SLC4A2: variants seen among roughly 807,000 people sequenced by gnomAD.
The protein encoded by SLC4A2 is solute carrier family 4 member 2.
Under a neutral mutation model 115.0 loss-of-function variants are expected in SLC4A2, and 36 were observed. The ratio of observed to expected loss-of-function variants is 0.31; its 90% CI spans 0.24 to 0.41. The LOEUF is 0.41. Among genes scored for constraint, SLC4A2 ranks in the 10% least tolerant of loss-of-function variants. The probability of loss-of-function intolerance (pLI) is 1.00; values close to 1 mark genes in which losing one functional copy is unlikely to be tolerated. For synonymous variants in SLC4A2, 708 were observed against 708.3 expected (o/e 1.00, Z 0.01); for missense variants, 1,252 against 1,705.6 (o/e 0.73, Z 4.68).
rs761953287 is a variant in SLC4A2 at position 151,069,985 on chromosome 7, G to A, written c.1186G>A (p.Gly396Arg). The change falls in exon 9 of 23, where the codon GGA (glycine) becomes AGA (arginine). Residue 396 changes from glycine (G) to arginine (R), a missense_variant. By Grantham distance (125) the Gly-to-Arg change is moderately radical. Coordinates refer to ENST00000413384, the MANE Select transcript of SLC4A2 (RefSeq NM_003040.4). ...LLDLDQQTLP[G>R]VAHQVVEQMV... is the part of the protein sequence containing the mutation. The stretch of plus-strand genomic sequence containing the variant: ...GGATCTGGACCAGCAGACCCTGCCC[G>A]GAGTGGCCCACCAGGTGGTGGAGCA... 8 of 1,613,952 alleles carry A rather than the reference G, an allele frequency of 5.0e-6. No homozygotes were observed. Among genetic ancestry groups the A allele is most frequent in the African/African-American group, 1.3e-5 (1 of 74,938 alleles).
chr7:151,072,835 A>T (rs1244792021), intron 16 of SLC4A2, among the ~76,000 whole-genome samples: 2 of 150,458 alleles, frequency 1.3e-5, no homozygotes, highest in African/African-American at 4.9e-5. Flanking sequence ...AATTTTTTGT[A>T]TTTTTTTAGT....
chr7:151,066,796 TG>T, intron 6 of SLC4A2, 35 bp downstream of exon 6: 2 of 1,589,784 alleles, frequency 1.3e-6, no homozygotes, highest in Non-Finnish European at 8.6e-7. Flanking sequence ...CCGGCACTGG[TG>T]GGCAAAGGAG....
rs1797561967 is a variant in SLC4A2 at position 151,074,857 on chromosome 7, C to T, written c.3047+16C>T. On this transcript the variant is annotated intron_variant, in intron 19 of 22. Coordinates refer to ENST00000413384, the MANE Select transcript of SLC4A2 (RefSeq NM_003040.4). ...AGATCACCACGTGAGTGGTCCTAGCCAAAGGGGTGTGAGAGGCCAGAGCCC... is the reference window on the plus strand; with the variant it reads ...AGATCACCACGTGAGTGGTCCTAGCTAAAGGGGTGTGAGAGGCCAGAGCCC... The T allele has an allele frequency of 1.9e-6, 3 of 1,584,488 alleles. No homozygotes were observed. Among genetic ancestry groups the T allele is most frequent in the Admixed American group, 3.6e-5 (2 of 55,328 alleles).
rs754890587 is a variant in SLC4A2 at position 151,070,291 on chromosome 7, T to A, written c.1394T>A (p.Val465Asp). 1 of 1,613,608 alleles carries A rather than the reference T, an allele frequency of 6.2e-7. No homozygotes were observed. The highest frequency in any genetic ancestry group is 1.7e-5 in the Admixed American group (1 of 59,992). Residue 465 changes from valine to aspartate, a missense_variant, in exon 10 of 23, where the codon GTC becomes GAC. Physicochemically the swap from Val to Asp is radical, Grantham distance 152 (BLOSUM62 -3). Coordinates refer to ENST00000413384, the MANE Select transcript of SLC4A2 (RefSeq NM_003040.4). Reference protein sequence around the residue: ...HGQGAESDPHVTEPLMGGVPE... With the variant: ...HGQGAESDPHDTEPLMGGVPE... ...CAGGGGGCTGAGAGTGACCCCCACGTCACCGAGCCTCTCATGGGAGGTGTT... is the reference window on the plus strand; with the variant it reads ...CAGGGGGCTGAGAGTGACCCCCACGACACCGAGCCTCTCATGGGAGGTGTT...
At chr7:151,062,572 G>A in intron 2 of SLC4A2, 1 of 1,456,906 alleles carries the variant, frequency 6.9e-7, no homozygotes, top group Non-Finnish European at 9.0e-7. Flanking sequence ...GGCCCAGAGG[G>A]GCACGTGACT....
chr7:151,063,347 C>G (rs1017012118), intron 2 of SLC4A2, among the ~76,000 whole-genome samples: 1 of 152,172 alleles, frequency 6.6e-6, no homozygotes, highest in Non-Finnish European at 1.5e-5. Flanking sequence ...GGCTCTGGGT[C>G]GGTTAGCTTG....
At position 151,074,175 on chromosome 7, in the gene SLC4A2, A is replaced by T; in HGVS notation, c.2672A>T (p.Gln891Leu). ...AGGAGCTTGGCTGGGCAGTCTGGGC[A>T]GGGGAAGCCCCGGGGCCAGCCCAAC... ...GNRSLAGQSG[Q>L]GKPRGQPNTA... The change falls in exon 17 of 23, where the codon CAG (glutamine) becomes CTG (leucine). Residue 891 changes from glutamine (Q) to leucine (L), a missense_variant. Gln to Leu is a moderately radical substitution (Grantham distance 113). Coordinates refer to ENST00000413384, the MANE Select transcript of SLC4A2 (RefSeq NM_003040.4). 6.2e-7 allele frequency: 1 copy of T among 1,612,694 alleles called. No individual in the cohort carries two copies. The highest frequency in any genetic ancestry group is 8.5e-7 in the Non-Finnish European group (1 of 1,179,938).
At chr7:151,062,113 C>A in intron 2 of SLC4A2, 75 bp downstream of exon 2, 2 of 1,260,510 alleles carry the variant, frequency 1.6e-6, no homozygotes. Context: ...CAAGGGTCCT[C>A]GCCAACCAGG....
intron 16 of SLC4A2, among the ~76,000 whole-genome samples, chr7:151,072,428 A>T (rs1385214237): frequency 6.6e-6 from 1 of 151,922 alleles, no homozygotes; most frequent in Non-Finnish European, 1.5e-5. Context: ...AGTAGCTGGG[A>T]TTATAGGTGT....
At chr7:151,063,070 G>A (rs1797107548) in intron 2 of SLC4A2, 3 of 1,516,016 alleles carry the variant, frequency 2.0e-6, no homozygotes, top group African/African-American at 1.4e-5. Context: ...TGGGTGGGGG[G>A]CTGGACCAAG....
rs780710637 is a variant in SLC4A2 at position 151,064,744 on chromosome 7, G to C, written c.436G>C (p.Val146Leu). ...CCGGGCTCTCACTCAGCCGTCCCCT[G>C]TCTCCACACCCTCCTCGGTGCAGGT... The part of the protein sequence containing the change: ...GARALTQPSP[V>L]STPSSVQFFL... The change falls in exon 4 of 23, where the codon GTC (valine) becomes CTC (leucine). Residue 146 changes from valine (V) to leucine (L), a missense_variant. Transcript: ENST00000413384. The C allele has an allele frequency of 1.2e-6, 2 of 1,610,730 alleles. No individual in the cohort carries two copies. The highest frequency in any genetic ancestry group is 8.5e-7 in the Non-Finnish European group (1 of 1,177,810).
At chr7:151,065,907 C>T (rs1797213259) in intron 5 of SLC4A2, among the ~76,000 whole-genome samples, 1 of 152,156 alleles carries the variant, frequency 6.6e-6, no homozygotes, top group Non-Finnish European at 1.5e-5. Context: ...GACCACGTGG[C>T]AGGGCCCTGG....
At chr7:151,069,864 C>A (rs1797370144) in intron 8 of SLC4A2, 83 bp from the exon 9 acceptor site, 5 of 1,562,404 alleles carry the variant, frequency 3.2e-6, no homozygotes, top group Middle Eastern at 2.0e-4. Flanking sequence ...ACCCACCTGT[C>A]CCCAGCTCCT....
chr7:151,064,650 G>T lies in SLC4A2; in HGVS notation c.342G>T (p.Pro114=). ...CTCGAAGGCGCCCGGGAGCCTCCCC[G>T]ACTGGAGAAACCCCGACCATTGAGG... ...RKPRRRPGAS[P]TGETPTIEEG... is the part of the protein sequence containing the mutation. Residue 114 remains proline (P), a synonymous_variant, in exon 4 of 23, where the codon CCG becomes CCT. Transcript: ENST00000413384. 6.2e-7 allele frequency: 1 copy of T among 1,613,758 alleles called. No homozygotes were observed. Among genetic ancestry groups the T allele is most frequent in the Non-Finnish European group, 8.5e-7 (1 of 1,179,844 alleles).
rs373936519 is a variant in SLC4A2, at chr7:151,070,002, G to C, written c.1203G>C (p.Val401=). The C allele has an allele frequency of 5.0e-6, 8 of 1,613,980 alleles. No individual in the cohort carries two copies. The highest frequency in any genetic ancestry group is 2.7e-5 in the African/African-American group (2 of 74,936). The change falls in exon 9 of 23, where the codon GTG becomes GTC. Residue 401 remains valine, a synonymous_variant. Transcript: ENST00000413384. The part of the protein sequence containing the change: ...QQTLPGVAHQ[V]VEQMVISDQI... ...CCCTGCCCGGAGTGGCCCACCAGGTGGTGGAGCAGATGGTCATCTCTGACC... is the reference window on the plus strand; with the variant it reads ...CCCTGCCCGGAGTGGCCCACCAGGTCGTGGAGCAGATGGTCATCTCTGACC...
chr7:151,068,284 TGTAAA>T (rs1234319352), intron 8 of SLC4A2, among the ~76,000 whole-genome samples: 10 of 152,216 alleles, frequency 6.6e-5, no homozygotes, highest in Non-Finnish European at 1.3e-4. Context: ...GCTATTTAGA[TGTAAA>T]GCTTTCTGAA....
In SLC4A2 at chr7:151,062,032, C is replaced by T. The variant is rs757620826; in HGVS notation, c.45C>T (p.Phe15=). 8.1e-6 allele frequency: 13 copies of T among 1,610,824 alleles called. No individual in the cohort carries two copies. Among genetic ancestry groups the T allele is most frequent in the Non-Finnish European group, 1.1e-5 (13 of 1,179,604 alleles). Reference sequence around the variant, plus strand: ...GCCCCGCCAAGGGCGCAGATTCTTTCTGTACGGTGAGTGTGGCCCCCAGGT... The same window carrying T: ...GCCCCGCCAAGGGCGCAGATTCTTTTTGTACGGTGAGTGTGGCCCCCAGGT... The part of the protein sequence containing the change: ...PRRPAKGADS[F]CTPEPESLGP... The change falls in exon 2 of 23, where the codon TTC becomes TTT. Residue 15 remains phenylalanine, a synonymous_variant. Transcript: ENST00000413384.
In SLC4A2 at chr7:151,066,873, T is replaced by C; in HGVS notation, c.846T>C (p.Pro282=). The C allele has an allele frequency of 1.9e-6, 3 of 1,613,514 alleles. No homozygotes were observed. Among genetic ancestry groups the C allele is most frequent in the African/African-American group, 2.7e-5 (2 of 75,046 alleles). Residue 282 remains proline (P), a synonymous_variant, in exon 7 of 23, where the codon CCT becomes CCC. Coordinates refer to ENST00000413384, the MANE Select transcript of SLC4A2 (RefSeq NM_003040.4). ...LMKSHRFEDV[P]GVRRHLVRKN... is the part of the protein sequence containing the mutation. ...CAGGTCACCGGTTTGAGGACGTTCC[T>C]GGGGTGCGGCGGCACTTGGTGCGGA...
At chr7:151,070,649 C>A in intron 11 of SLC4A2, 78 bp downstream of exon 11, 1 of 1,602,100 alleles carries the variant, frequency 6.2e-7, no homozygotes, top group Admixed American at 1.7e-5. Flanking sequence ...CTGGCCCTGC[C>A]TTGGTGCCAC....
Sources: allele counts gnomAD v4.1 joint callset (sites outside exome capture counted in the v4.1 genomes callset), GRCh38; gene constraint gnomAD v4.1.1; transcripts MANE v1.5; gene names NCBI Gene and HGNC (gene_info 2026-07-23, HGNC 2026-07-21).